KIAA0586: variants seen among roughly 807,000 people sequenced by gnomAD.
The protein encoded by KIAA0586 is protein TALPID3.
KIAA0586 carries 144 observed loss-of-function variants against 169.8 expected under a neutral mutation model. The observed-to-expected ratio is 0.85, with a 90% confidence interval of 0.74 to 0.97. The LOEUF (loss-of-function observed/expected upper bound fraction) is 0.97, where lower values mean the gene tolerates loss of function less well. Ranked by LOEUF, KIAA0586 falls within the 50% of genes least tolerant of loss-of-function variation. The probability of loss-of-function intolerance (pLI) is 0.00; values close to 1 mark genes in which losing one functional copy is unlikely to be tolerated. For synonymous variants in KIAA0586, 625 were observed against 612.4 expected, an observed-to-expected ratio of 1.02 and a Z score of -0.30; for missense variants, 1,854 against 1,823.0, an observed-to-expected ratio of 1.02 and a Z score of -0.31.
At chr14:58,428,509 T>A (rs1450019787) in intron 1 of KIAA0586, 46 bp downstream of exon 1, 4 of 1,371,050 alleles carry the variant, frequency 2.9e-6, no homozygotes, top group East Asian at 2.3e-5. Context: ...GTTTAGTAAA[T>A]CTTTAGTCCT....
chr14:58,500,329 C>G (rs541266838), intron 27 of KIAA0586, among the ~76,000 whole-genome samples: 1 of 152,138 alleles, frequency 6.6e-6, no homozygotes, highest in East Asian at 1.9e-4. Flanking sequence ...TTGAACTATC[C>G]AGCAGTATAA....
intron 7 of KIAA0586, among the ~76,000 whole-genome samples, chr14:58,449,870 CAAAT>C (rs571383376): frequency 1.0e-3 from 154 of 152,078 alleles, no homozygotes; most frequent in African/African-American, 3.3e-3. Context: ...ATTACAGTAA[CAAAT>C]AAAAGAAAAT....
chr14:58,544,494 A>C (rs1391644170), intron 30 of KIAA0586, among the ~76,000 whole-genome samples: 3 of 152,216 alleles, frequency 2.0e-5, no homozygotes, highest in African/African-American at 7.2e-5. Flanking sequence ...CCAAGTGAAT[A>C]AGTGTTCCCT....
At chr14:58,462,441 C>T (rs1464362363) in intron 14 of KIAA0586, among the ~76,000 whole-genome samples, 1 of 151,772 alleles carries the variant, frequency 6.6e-6, no homozygotes, top group Non-Finnish European at 1.5e-5. Context: ...TTAGTAGAGA[C>T]AGGGTTTTGC....
intron 16 of KIAA0586, 36 bp from the exon 17 acceptor site, chr14:58,470,577 G>T: frequency 7.9e-7 from 1 of 1,260,548 alleles, no homozygotes; most frequent in East Asian, 2.4e-5. Context: ...GAGTAAAAAT[G>T]ATAAACAGAA....
chr14:58,471,010 C>T (rs994284144), intron 17 of KIAA0586, among the ~76,000 whole-genome samples: 4 of 152,058 alleles, frequency 2.6e-5, no homozygotes, highest in East Asian at 1.9e-4. Flanking sequence ...TGCCACCACG[C>T]CCGGCTAATT....
At chr14:58,518,575 T>G (rs112206297) in intron 29 of KIAA0586, among the ~76,000 whole-genome samples, 2 of 152,356 alleles carry the variant, frequency 1.3e-5, no homozygotes, top group African/African-American at 4.8e-5. Flanking sequence ...TAATGTGTAA[T>G]CAACACAGTT....
At position 58,432,365 on chromosome 14, in the gene KIAA0586, A is replaced by G. The variant is rs191459784; in HGVS notation, c.341-23A>G. The G allele has an allele frequency of 1.7e-5, 23 of 1,392,708 alleles. 1 individual carries two copies. Among genetic ancestry groups the G allele is most frequent in the South Asian group, 1.3e-4 (10 of 74,674 alleles). The allele number at this position is 1,392,708 out of a possible 1,614,324, so 86.3% of individuals were successfully genotyped here. A position where few individuals can be genotyped will look rare whatever the true frequency, so the allele number is the denominator to read the frequency against. On this transcript the variant is annotated intron_variant, in intron 3 of 30. Coordinates refer to ENST00000652326, the MANE Select transcript of KIAA0586 (RefSeq NM_001329943.3). Reference sequence around the variant, plus strand: ...ATAAATATTCAGGAATTTAATATATATTTTTGTGTCTTGATTTTGCAGCAA... The same window carrying G: ...ATAAATATTCAGGAATTTAATATATGTTTTTGTGTCTTGATTTTGCAGCAA...
chr14:58,489,853 T>C (rs1429903246), intron 24 of KIAA0586, among the ~76,000 whole-genome samples: 2 of 152,114 alleles, frequency 1.3e-5, no homozygotes, highest in Non-Finnish European at 2.9e-5. Context: ...GATTTTTAGC[T>C]CTTAATCAGT....
chr14:58,492,042 T>C (rs1438780763), intron 25 of KIAA0586, 102 bp from the exon 26 acceptor site: 2 of 885,574 alleles, frequency 2.3e-6, no homozygotes, highest in African/African-American at 1.7e-5. Flanking sequence ...AATGCTAATA[T>C]CATCATCTCA....
intron 4 of KIAA0586, among the ~76,000 whole-genome samples, chr14:58,438,398 G>A (rs2038016762): frequency 3.9e-5 from 6 of 152,032 alleles, no homozygotes; most frequent in Admixed American, 3.9e-4. Context: ...AGGAATTCCT[G>A]AATTATATTT....
At chr14:58,508,390 T>G (rs2044149806) in intron 27 of KIAA0586, among the ~76,000 whole-genome samples, 165 bp from the exon 28 acceptor site, 1 of 152,182 alleles carries the variant, frequency 6.6e-6, no homozygotes, top group Non-Finnish European at 1.5e-5. Flanking sequence ...TGAGTTTTGG[T>G]TTTAATTGCA....
rs375158181 is a variant in KIAA0586, at chr14:58,457,581, C to T, written c.1363-178C>T. Among the ~76,000 whole-genome samples the T allele has an allele frequency of 2.6e-5, 4 of 152,242 alleles. 1 individual carries two copies. ...CCATGCCTGGCCCACATTAGTATTT[C>T]TAAATGGAGGAAAAACACTTTGATT... On this transcript the variant is annotated intron_variant, in intron 10 of 30. Transcript: ENST00000652326.
At chr14:58,494,517 G>A (rs2043039604) in intron 26 of KIAA0586, among the ~76,000 whole-genome samples, 1 of 151,822 alleles carries the variant, frequency 6.6e-6, no homozygotes. Flanking sequence ...TTCTGTCTGA[G>A]AATTTGGGTA....
At chr14:58,469,027 C>G (rs1258993535) in intron 16 of KIAA0586, among the ~76,000 whole-genome samples, 1 of 152,104 alleles carries the variant, frequency 6.6e-6, no homozygotes, top group Non-Finnish European at 1.5e-5. Context: ...TCAACAGGCT[C>G]TTAGTACTGA....
chr14:58,503,061 G>T (rs1019146459), intron 27 of KIAA0586, among the ~76,000 whole-genome samples: 3 of 152,098 alleles, frequency 2.0e-5, no homozygotes, highest in African/African-American at 7.2e-5. Flanking sequence ...TGCAAAATTG[G>T]CTTTGAGGAG....
At chr14:58,553,883 C>G (rs1036943213), downstream of KIAA0586, among the ~76,000 whole-genome samples, 1 of 152,154 alleles carries the variant, frequency 6.6e-6, no homozygotes, top group African/African-American at 2.4e-5. Context: ...TTTATTTACT[C>G]ATGATTTTGG....
chr14:58,561,397 T>C, the KIAA0586 span, among the ~76,000 whole-genome samples: 1 of 152,232 alleles, frequency 6.6e-6, no homozygotes, highest in Non-Finnish European at 1.5e-5. Context: ...GAAGGGTTTT[T>C]TTGATACTCA....
rs1229100503 is a variant in KIAA0586, at chr14:58,487,053, G to C, written c.3191G>C (p.Cys1064Ser). 6.2e-7 allele frequency: 1 copy of C among 1,613,258 alleles called. No individual in the cohort carries two copies. Among genetic ancestry groups the C allele is most frequent in the East Asian group, 2.2e-5 (1 of 44,880 alleles). ...PLPTPQPTPP[C>S]SPSSPAKECV... ...CCTACCCCACAGCCTACGCCTCCTTGCTCACCTTCATCACCTGCTAAGGAG... is the reference window on the plus strand; with the variant it reads ...CCTACCCCACAGCCTACGCCTCCTTCCTCACCTTCATCACCTGCTAAGGAG... Residue 1064 changes from cysteine (C) to serine (S), a missense_variant, in exon 22 of 31, where the codon TGC becomes TCC. By Grantham distance (112) the Cys-to-Ser change is moderately radical. Transcript: ENST00000652326.
Sources: gnomAD v4.1 joint callset for allele counts (sites outside exome capture counted in the v4.1 genomes callset) on GRCh38, gnomAD v4.1.1 for gene constraint, MANE v1.5 for transcripts, NCBI Gene and HGNC (gene_info 2026-07-23, HGNC 2026-07-21) for gene names.